SOX5: variants seen among roughly 807,000 people sequenced by gnomAD.
SOX5 encodes SRY-box transcription factor 5.
Under a neutral mutation model 92.0 loss-of-function variants are expected in SOX5, and 9 were observed. The ratio of observed to expected loss-of-function variants is 0.10; its 90% CI spans 0.06 to 0.17. SOX5 has a LOEUF of 0.17. Ranked by LOEUF, SOX5 falls within the 10% of genes least tolerant of loss-of-function variation. SOX5 has a pLI of 1.00. For missense variants in SOX5, 642 were observed against 944.5 expected, an observed-to-expected ratio of 0.68 and a Z score of 4.20; for synonymous variants, 344 against 336.3, an observed-to-expected ratio of 1.02 and a Z score of -0.25.
rs963821655 is a variant in SOX5, at chr12:23,846,179, A to G, written c.285T>C (p.Asn95=). 3 of 1,613,594 alleles carry G rather than the reference A, an allele frequency of 1.9e-6. No individual in the cohort carries two copies. Among genetic ancestry groups the G allele is most frequent in the African/African-American group, 2.7e-5 (2 of 74,910 alleles). ...GTGGGGCAAATGAAGACATAACTTT[A>G]TTGCCATCAACTTCCTGAAAGAGAA... ...SQHNTMEVDG[N]KVMSSFAPHN... is the part of the protein sequence containing the mutation. Residue 95 remains asparagine, a synonymous_variant, in exon 3 of 15, where the codon AAT becomes AAC. Transcript: ENST00000451604.
At chr12:24,314,863 C>G (rs1467954370) in intron 2 of SOX5, among the ~76,000 whole-genome samples, 7 of 152,332 alleles carry the variant, frequency 4.6e-5, no homozygotes, top group Non-Finnish European at 1.0e-4. Flanking sequence ...CCTTGGTACA[C>G]AGAATTGTGC....
chr12:24,130,539 T>C (rs1220484893), intron 4 of SOX5, among the ~76,000 whole-genome samples: 1 of 152,146 alleles, frequency 6.6e-6, no homozygotes, highest in Non-Finnish European at 1.5e-5. Context: ...ATGAATGAAG[T>C]TGAGTAAAGA....
At chr12:24,552,199 T>G (rs1424033590) in intron 1 of SOX5, among the ~76,000 whole-genome samples, 1 of 152,174 alleles carries the variant, frequency 6.6e-6, no homozygotes, top group Non-Finnish European at 1.5e-5. Context: ...TTAGAACTCC[T>G]AAAACCACAT....
At chr12:24,258,953 G>C (rs987045480) in intron 3 of SOX5, among the ~76,000 whole-genome samples, 1 of 152,166 alleles carries the variant, frequency 6.6e-6, no homozygotes, top group African/African-American at 2.4e-5. Context: ...TGAGCCCAAA[G>C]GCTCCATCTT....
intron 1 of SOX5, among the ~76,000 whole-genome samples, chr12:24,517,504 G>C (rs1566367674): frequency 6.6e-6 from 1 of 152,126 alleles, no homozygotes; most frequent in Non-Finnish European, 1.5e-5. Context: ...TACAATCATT[G>C]TAAGCAGACA....
chr12:24,407,327 C>A (rs1360799616), intron 1 of SOX5, among the ~76,000 whole-genome samples: 2 of 152,288 alleles, frequency 1.3e-5, no homozygotes, highest in Non-Finnish European at 2.9e-5. Context: ...GATCCACCCC[C>A]TCGAGAACTT....
intron 4 of SOX5, among the ~76,000 whole-genome samples, chr12:23,743,433 C>A (rs1342415397): frequency 6.6e-6 from 1 of 152,078 alleles, no homozygotes; most frequent in Admixed American, 6.6e-5. Context: ...CCTCAGCCTC[C>A]TGAGTAGCTG....
chr12:23,995,119 A>G (rs1227779030), intron 4 of SOX5, among the ~76,000 whole-genome samples: 1 of 152,218 alleles, frequency 6.6e-6, no homozygotes, highest in African/African-American at 2.4e-5. Flanking sequence ...AATGAACAGA[A>G]TGTTAAAAAC....
chr12:24,342,741 C>T (rs1364019685), intron 2 of SOX5, among the ~76,000 whole-genome samples: 1 of 152,176 alleles, frequency 6.6e-6, no homozygotes, highest in Admixed American at 6.5e-5. Context: ...TTCCATTCAA[C>T]CCCACAATGC....
chr12:23,824,561 C>T (rs573165820), intron 3 of SOX5, among the ~76,000 whole-genome samples: 1 of 152,146 alleles, frequency 6.6e-6, no homozygotes, highest in Non-Finnish European at 1.5e-5. Flanking sequence ...CCTGCTGGGA[C>T]GTGTCTCCCC....
chr12:24,119,557 C>A (rs1948412206), intron 4 of SOX5, among the ~76,000 whole-genome samples: 1 of 151,918 alleles, frequency 6.6e-6, no homozygotes, highest in African/African-American at 2.4e-5. Context: ...CCATGCCACT[C>A]AATTTACCCT....
intron 1 of SOX5, among the ~76,000 whole-genome samples, chr12:24,495,326 A>G (rs1051189996): frequency 2.0e-5 from 3 of 152,226 alleles, no homozygotes; most frequent in African/African-American, 7.2e-5. Flanking sequence ...ACCAGTATGA[A>G]GTAGGTTCAG....
At chr12:24,224,537 G>A (rs1305841787) in intron 3 of SOX5, among the ~76,000 whole-genome samples, 1 of 152,030 alleles carries the variant, frequency 6.6e-6, no homozygotes, top group African/African-American at 2.4e-5. Flanking sequence ...AATATTCTGA[G>A]GATGTATGTG....
intron 1 of SOX5, among the ~76,000 whole-genome samples, chr12:24,434,744 T>C (rs1214988123): frequency 1.3e-5 from 2 of 152,154 alleles, no homozygotes; most frequent in African/African-American, 2.4e-5. Context: ...TGTAAAGTGC[T>C]AGCTTTGCCT....
chr12:24,134,519 T>C (rs1199135623), intron 4 of SOX5, among the ~76,000 whole-genome samples: 2 of 152,140 alleles, frequency 1.3e-5, no homozygotes, highest in East Asian at 1.9e-4. Context: ...TATAAATGTG[T>C]TTATTTATAA....
chr12:23,730,337 A>C (rs541869358), intron 6 of SOX5, among the ~76,000 whole-genome samples: 6 of 152,296 alleles, frequency 3.9e-5, no homozygotes, highest in Non-Finnish European at 8.8e-5. Flanking sequence ...AATTTAAAAA[A>C]GTATCTTTTA....
At chr12:23,859,538 C>A (rs2096731217) in intron 2 of SOX5, among the ~76,000 whole-genome samples, 2 of 152,056 alleles carry the variant, frequency 1.3e-5, no homozygotes, top group South Asian at 2.1e-4. Context: ...GGGACATGGA[C>A]CCTCATCAGT....
At chr12:23,816,849 G>A (rs999268763) in intron 3 of SOX5, among the ~76,000 whole-genome samples, 1 of 152,184 alleles carries the variant, frequency 6.6e-6, no homozygotes, top group East Asian at 1.9e-4. Context: ...CATATAGGAT[G>A]GCACAAATAC....
intron 2 of SOX5, among the ~76,000 whole-genome samples, chr12:23,847,394 A>C (rs2096586764): frequency 6.6e-6 from 1 of 152,182 alleles, no homozygotes; most frequent in Non-Finnish European, 1.5e-5. Context: ...ACAGTAATAC[A>C]ATCTGTTGAC....
Sources: gnomAD v4.1 joint callset for allele counts (sites outside exome capture counted in the v4.1 genomes callset) on GRCh38, gnomAD v4.1.1 for gene constraint, MANE v1.5 for transcripts, NCBI Gene and HGNC (gene_info 2026-07-23, HGNC 2026-07-21) for gene names.